Variants in PLEKHA7 observed in about 807,000 individuals in gnomAD.
PLEKHA7 encodes the protein pleckstrin homology domain containing A7, also known as pleckstrin homology domain-containing family A member 7.
A neutral mutation model predicts 170.0 loss-of-function variants in PLEKHA7; 104 were observed. The ratio of observed to expected loss-of-function variants is 0.61; its 90% CI spans 0.52 to 0.72. The LOEUF is 0.72. Ranked by LOEUF, PLEKHA7 falls within the 30% of genes least tolerant of loss-of-function variation. The probability of loss-of-function intolerance (pLI) is 0.00; values close to 1 mark genes in which losing one functional copy is unlikely to be tolerated. For synonymous variants in PLEKHA7, 648 were observed against 660.8 expected, an observed-to-expected ratio of 0.98 and a Z score of 0.30; for missense variants, 1,615 against 1,671.7, an observed-to-expected ratio of 0.97 and a Z score of 0.59.
chr11:16,892,296 A>G (rs1311684057), intron 3 of PLEKHA7, among the ~76,000 whole-genome samples: 3 of 152,170 alleles, frequency 2.0e-5, no homozygotes, highest in Admixed American at 6.6e-5. Context: ...ATGGTGGGAA[A>G]AGAGCACCAA....
intron 13 of PLEKHA7, among the ~76,000 whole-genome samples, chr11:16,808,417 C>A (rs1465325324): frequency 6.6e-6 from 1 of 152,172 alleles, no homozygotes; most frequent in African/African-American, 2.4e-5. Context: ...AGCAGAGTGT[C>A]CAATTCAATA....
At chr11:16,938,402 C>T (rs1860456553) in intron 3 of PLEKHA7, among the ~76,000 whole-genome samples, 1 of 152,096 alleles carries the variant, frequency 6.6e-6, no homozygotes, top group African/African-American at 2.4e-5. Flanking sequence ...GAGTAGCTTT[C>T]CTTGTGCTCA....
chr11:16,943,755 G>A (rs1860841918), intron 3 of PLEKHA7, among the ~76,000 whole-genome samples: 1 of 152,146 alleles, frequency 6.6e-6, no homozygotes, highest in Admixed American at 6.5e-5. Flanking sequence ...ATAACCCTGA[G>A]ACACGAAGAA....
At chr11:16,908,421 GAA>G (rs541732949) in intron 3 of PLEKHA7, among the ~76,000 whole-genome samples, 118 of 152,198 alleles carry the variant, frequency 7.8e-4, no homozygotes, top group African/African-American at 2.0e-3. Flanking sequence ...GCCAAAGAGA[GAA>G]GTCTCAGAAG....
In PLEKHA7 at chr11:16,990,382, C is replaced by T. The variant is rs183632386; in HGVS notation, c.221+23607G>A. ...CTCAATGGGCCATCTCAAAACCATCCGGGCTCCACCTTATACAGCACTCGT... is the reference window on the plus strand; with the variant it reads ...CTCAATGGGCCATCTCAAAACCATCTGGGCTCCACCTTATACAGCACTCGT... On this transcript the variant is annotated intron_variant, in intron 3 of 26. Coordinates refer to ENST00000531066, the MANE Select transcript of PLEKHA7 (RefSeq NM_001329630.2). Among the ~76,000 whole-genome samples the T allele has an allele frequency of 2.1e-3, 312 of 151,694 alleles. 2 individuals carry two copies. The highest frequency in any genetic ancestry group is 7.2e-3 in the African/African-American group (299 of 41,342).
At chr11:16,999,384 A>T (rs975172837) in intron 3 of PLEKHA7, among the ~76,000 whole-genome samples, 2 of 151,918 alleles carry the variant, frequency 1.3e-5, no homozygotes, top group African/African-American at 4.8e-5. Context: ...CAAGATGTGG[A>T]GCTGCACACC....
chr11:16,871,252 C>A (rs1854820133), intron 3 of PLEKHA7, 70 bp from the exon 4 acceptor site: 2 of 1,225,624 alleles, frequency 1.6e-6, no homozygotes, highest in South Asian at 1.2e-5. Flanking sequence ...ACAGGTCAGT[C>A]AGCAATGTCT....
At chr11:16,934,818 T>C (rs1208802469) in intron 3 of PLEKHA7, among the ~76,000 whole-genome samples, 2 of 152,186 alleles carry the variant, frequency 1.3e-5, no homozygotes, top group African/African-American at 4.8e-5. Flanking sequence ...GGATATTAAT[T>C]AGAGGTTAAG....
chr11:16,937,206 A>G (rs181893603), intron 3 of PLEKHA7, among the ~76,000 whole-genome samples: 11 of 152,318 alleles, frequency 7.2e-5, no homozygotes, highest in Admixed American at 4.6e-4. Flanking sequence ...TCCTGGGAAG[A>G]CACTACAAGA....
intron 3 of PLEKHA7, among the ~76,000 whole-genome samples, chr11:16,950,864 C>T (rs552124941): frequency 5.9e-4 from 90 of 152,328 alleles, no homozygotes; most frequent in South Asian, 4.4e-3. Context: ...CTCACTTCCT[C>T]GTTCATGTTT....
intron 13 of PLEKHA7, among the ~76,000 whole-genome samples, chr11:16,810,460 C>T (rs1018295718): frequency 6.6e-5 from 10 of 152,332 alleles, no homozygotes; most frequent in Non-Finnish European, 1.2e-4. Flanking sequence ...CAAAACCCAG[C>T]TTGTTTCTCG....
chr11:16,801,861 C>T (rs754996465), intron 15 of PLEKHA7, 44 bp from the exon 16 acceptor site: 1 of 1,609,484 alleles, frequency 6.2e-7, no homozygotes, highest in South Asian at 1.1e-5. Flanking sequence ...GGAGGACAGT[C>T]CCCAGAGGCC....
chr11:16,996,669 G>C (rs1344221958), intron 3 of PLEKHA7, among the ~76,000 whole-genome samples: 1 of 152,176 alleles, frequency 6.6e-6, no homozygotes, highest in Non-Finnish European at 1.5e-5. Context: ...GGGCGCAGTG[G>C]CTCATGCCTG....
At chr11:16,906,335 T>C (rs1301830798) in intron 3 of PLEKHA7, among the ~76,000 whole-genome samples, 7 of 138,150 alleles carry the variant, frequency 5.1e-5, no homozygotes, top group African/African-American at 2.1e-4. Context: ...TCACTCTCCC[T>C]CTCCCTCTCT....
chr11:16,901,174 G>T (rs1476127676), intron 3 of PLEKHA7, among the ~76,000 whole-genome samples: 2 of 151,872 alleles, frequency 1.3e-5, no homozygotes, highest in African/African-American at 4.8e-5. Flanking sequence ...TGACCCAATG[G>T]GATACATATT....
chr11:16,913,094 C>A (rs1487930835), intron 3 of PLEKHA7, among the ~76,000 whole-genome samples: 1 of 152,218 alleles, frequency 6.6e-6, no homozygotes, highest in African/African-American at 2.4e-5. Flanking sequence ...AGGGTGGGAC[C>A]TTTCCCTCCC....
intron 3 of PLEKHA7, among the ~76,000 whole-genome samples, chr11:16,945,402 C>T (rs1162868675): frequency 6.6e-6 from 1 of 152,206 alleles, no homozygotes; most frequent in African/African-American, 2.4e-5. Flanking sequence ...ACCCTTCACA[C>T]AGGTGTCTCT....
intron 4 of PLEKHA7, among the ~76,000 whole-genome samples, chr11:16,856,297 C>T (rs1853446503): frequency 6.6e-6 from 1 of 152,220 alleles, no homozygotes; most frequent in Admixed American, 6.5e-5. Flanking sequence ...TGCCCTCACA[C>T]ACACCTCCAT....
At chr11:16,887,341 T>C (rs934584273) in intron 3 of PLEKHA7, among the ~76,000 whole-genome samples, 2 of 77,684 alleles carry the variant, frequency 2.6e-5, no homozygotes, top group Non-Finnish European at 6.9e-5. Flanking sequence ...GGTCTCCCTC[T>C]CCCTCTCCCC....
Sources: allele counts gnomAD v4.1 joint callset (sites outside exome capture counted in the v4.1 genomes callset), GRCh38; gene constraint gnomAD v4.1.1; transcripts MANE v1.5; gene names NCBI Gene and HGNC (gene_info 2026-07-23, HGNC 2026-07-21).